The following BICC1 variants were observed in gnomAD, a reference collection of about 807,000 sequenced individuals.
BICC1 encodes protein bicaudal C homolog 1.
A neutral mutation model predicts 111.0 loss-of-function variants in BICC1; 43 were observed. That is an observed-to-expected ratio of 0.39 (90% CI 0.30 to 0.50). The LOEUF (loss-of-function observed/expected upper bound fraction) is 0.50, where lower values mean the gene tolerates loss of function less well. Among genes scored for constraint, BICC1 ranks in the 20% least tolerant of loss-of-function variants. The pLI is 0.88. For missense variants in BICC1, 1,091 were observed against 1,203.2 expected, an observed-to-expected ratio of 0.91 and a Z score of 1.38; for synonymous variants, 467 against 434.4, an observed-to-expected ratio of 1.07 and a Z score of -0.93.
intron 3 of BICC1, among the ~76,000 whole-genome samples, chr10:58,749,031 A>G (rs929294167): frequency 2.0e-5 from 3 of 152,180 alleles, no homozygotes; most frequent in African/African-American, 7.2e-5. Context: ...CTATTTGCTG[A>G]GGAAGAGATT....
chr10:58,809,962 A>G (rs912852270), intron 17 of BICC1, among the ~76,000 whole-genome samples: 3 of 152,218 alleles, frequency 2.0e-5, no homozygotes, highest in African/African-American at 7.2e-5. Context: ...TTATGAACAT[A>G]AGAATCACTC....
chr10:58,584,421 C>G (rs1479810802), intron 1 of BICC1, among the ~76,000 whole-genome samples: 1 of 152,082 alleles, frequency 6.6e-6, no homozygotes. Flanking sequence ...CTACTAAACT[C>G]TGGGAGGAGG....
intron 1 of BICC1, among the ~76,000 whole-genome samples, chr10:58,605,403 G>T (rs979269291): frequency 6.6e-6 from 1 of 152,124 alleles, no homozygotes; most frequent in African/African-American, 2.4e-5. Context: ...GCCATTGTCT[G>T]TTGTATTCTT....
intron 1 of BICC1, 102 bp downstream of exon 1, chr10:58,513,435 G>C: frequency 8.3e-7 from 1 of 1,197,774 alleles, no homozygotes; most frequent in Admixed American, 3.0e-5. Flanking sequence ...GCCTACGGCC[G>C]GCCGGTTTAG....
chr10:58,759,838 C>T (rs995426313), intron 3 of BICC1, among the ~76,000 whole-genome samples: 3 of 151,662 alleles, frequency 2.0e-5, no homozygotes, highest in African/African-American at 4.8e-5. Context: ...GGGCGCCTGT[C>T]GTCCCAGCTA....
intron 1 of BICC1, among the ~76,000 whole-genome samples, chr10:58,524,144 C>T (rs1348562542): frequency 6.6e-6 from 1 of 152,074 alleles, no homozygotes; most frequent in South Asian, 2.1e-4. Context: ...TTTATAGATT[C>T]AATGCCATCC....
intron 20 of BICC1, among the ~76,000 whole-genome samples, chr10:58,820,894 T>G (rs1033717153): frequency 1.3e-5 from 2 of 152,180 alleles, no homozygotes; most frequent in Non-Finnish European, 2.9e-5. Context: ...AAGAAAAGAA[T>G]GCTGGTTGAA....
intron 2 of BICC1, among the ~76,000 whole-genome samples, chr10:58,681,118 G>T (rs1007047937): frequency 6.6e-6 from 1 of 152,222 alleles, no homozygotes; most frequent in East Asian, 1.9e-4. Context: ...TATGGGCAAA[G>T]ACTTCATGAC....
At chr10:58,681,862 T>C (rs193151349) in intron 2 of BICC1, among the ~76,000 whole-genome samples, 54 of 139,864 alleles carry the variant, frequency 3.9e-4, no homozygotes, top group Middle Eastern at 6.9e-3. Flanking sequence ...TACAGCTCTC[T>C]CTTTCTTTTT....
At chr10:58,674,862 A>C (rs565904996) in intron 2 of BICC1, among the ~76,000 whole-genome samples, 1 of 152,264 alleles carries the variant, frequency 6.6e-6, no homozygotes, top group Non-Finnish European at 1.5e-5. Flanking sequence ...GAGAAGTAAA[A>C]CTTAAGAGGC....
At chr10:58,638,247 A>G (rs371091079) in intron 2 of BICC1, among the ~76,000 whole-genome samples, 1 of 152,060 alleles carries the variant, frequency 6.6e-6, no homozygotes, top group East Asian at 1.9e-4. Context: ...GTAAGCCAGG[A>G]GTTTTCTTAT....
intron 1 of BICC1, among the ~76,000 whole-genome samples, chr10:58,580,585 A>G (rs1026083179): frequency 2.0e-5 from 3 of 152,192 alleles, no homozygotes; most frequent in African/African-American, 7.2e-5. Context: ...TTCAACCTGT[A>G]TATAATACAT....
intron 10 of BICC1, among the ~76,000 whole-genome samples, chr10:58,797,464 G>C (rs1564619441): frequency 1.3e-5 from 2 of 152,070 alleles, no homozygotes; most frequent in Non-Finnish European, 2.9e-5. Flanking sequence ...CATCATTAAA[G>C]AAAGATTTTT....
At chr10:58,620,240 A>G (rs1420857068) in intron 1 of BICC1, among the ~76,000 whole-genome samples, 1 of 152,186 alleles carries the variant, frequency 6.6e-6, no homozygotes, top group Non-Finnish European at 1.5e-5. Context: ...GCTACCATTT[A>G]TCTATAAAAA....
intron 2 of BICC1, among the ~76,000 whole-genome samples, chr10:58,654,073 G>C (rs1838544414): frequency 7.0e-6 from 1 of 142,896 alleles, no homozygotes; most frequent in African/African-American, 2.6e-5. Context: ...TCTTAATCCA[G>C]TCTATCATTG....
intron 3 of BICC1, among the ~76,000 whole-genome samples, 186 bp from the exon 4 acceptor site, chr10:58,784,815 G>A (rs1161597355): frequency 6.6e-6 from 1 of 152,080 alleles, no homozygotes; most frequent in Non-Finnish European, 1.5e-5. Context: ...GAAAACGTGG[G>A]CATTTTCCAT....
At chr10:58,512,487 GCGTGTT>G (rs1842112321), upstream of BICC1, among the ~76,000 whole-genome samples, 1 of 152,124 alleles carries the variant, frequency 6.6e-6, no homozygotes, top group Non-Finnish European at 1.5e-5. Context: ...CTTGAACTTG[GCGTGTT>G]TGTGTTTGTG....
intron 2 of BICC1, among the ~76,000 whole-genome samples, chr10:58,676,816 C>T (rs922749359): frequency 5.3e-5 from 8 of 152,102 alleles, no homozygotes; most frequent in African/African-American, 1.7e-4. Flanking sequence ...TGGCATCTGG[C>T]GGGTGTCCCT....
At chr10:58,546,779 G>GA (rs1389068261) in intron 1 of BICC1, among the ~76,000 whole-genome samples, 2 of 152,060 alleles carry the variant, frequency 1.3e-5, no homozygotes, top group South Asian at 2.1e-4. Context: ...AAATACTTAA[G>GA]AAAAAAATCA....
Sources: gnomAD v4.1 joint callset for allele counts (sites outside exome capture counted in the v4.1 genomes callset) on GRCh38, gnomAD v4.1.1 for gene constraint, MANE v1.5 for transcripts, NCBI Gene and HGNC (gene_info 2026-07-23, HGNC 2026-07-21) for gene names.